The following USP46 variants were observed in gnomAD, a reference collection of about 807,000 sequenced individuals.
USP46 encodes ubiquitin carboxyl-terminal hydrolase 46.
Under a neutral mutation model 44.4 loss-of-function variants are expected in USP46, and 12 were observed. The observed-to-expected ratio is 0.27, with a 90% CI of 0.17 to 0.44. The LOEUF (loss-of-function observed/expected upper bound fraction) is 0.44, where lower values mean the gene tolerates loss of function less well. Ranked by LOEUF, USP46 falls within the 20% of genes least tolerant of loss-of-function variation. USP46 has a pLI of 1.00. For missense variants in USP46, 248 were observed against 444.8 expected, an observed-to-expected ratio of 0.56 and a Z score of 3.98; for synonymous variants, 155 against 161.5, an observed-to-expected ratio of 0.96 and a Z score of 0.31.
chr4:52,640,661 C>T (rs745662375), intron 1 of USP46, among the ~76,000 whole-genome samples: 1 of 151,690 alleles, frequency 6.6e-6, no homozygotes, highest in Non-Finnish European at 1.5e-5. Context: ...ACAAAATTAG[C>T]CAGGCATGGT....
In USP46 at chr4:52,659,023, G is replaced by A. The variant is rs924698137; in HGVS notation, c.36+92C>T. The A allele has an allele frequency of 2.1e-6, 3 of 1,432,678 alleles. No individual in the cohort carries two copies. Among genetic ancestry groups the A allele is most frequent in the Non-Finnish European group, 1.9e-6 (2 of 1,079,928 alleles). The allele number at this position is 1,432,678 out of a possible 1,614,324, so 88.7% of individuals were successfully genotyped here. A position where few individuals can be genotyped will look rare whatever the true frequency, so the allele number is the denominator to read the frequency against. On this transcript the variant is annotated intron_variant, in intron 1 of 8. Coordinates refer to ENST00000441222, the MANE Select transcript of USP46 (RefSeq NM_022832.4). The surrounding 1 kb of genome is among the most constrained non-coding windows in gnomAD (Gnocchi z 4.2). Reference sequence around the variant, plus strand: ...CGGCGCGGACCCCGCCGCCCCCGCCGCCCCAGCCACCGGGCGTGTGTGCAG... The same window carrying A: ...CGGCGCGGACCCCGCCGCCCCCGCCACCCCAGCCACCGGGCGTGTGTGCAG...
At chr4:52,608,242 T>C (rs1005761333) in intron 5 of USP46, among the ~76,000 whole-genome samples, 13 of 152,274 alleles carry the variant, frequency 8.5e-5, no homozygotes, top group South Asian at 2.1e-4. Context: ...TATCATTTTT[T>C]GTAAACACAG....
chr4:52,615,536 C>T (rs1717100627), intron 4 of USP46, among the ~76,000 whole-genome samples: 1 of 152,120 alleles, frequency 6.6e-6, no homozygotes, highest in African/African-American at 2.4e-5. Context: ...AGCTGGAACA[C>T]TATTTCACCA....
intron 1 of USP46, among the ~76,000 whole-genome samples, chr4:52,641,874 C>T (rs1475369413): frequency 1.3e-5 from 2 of 152,174 alleles, no homozygotes; most frequent in Admixed American, 1.3e-4. Context: ...TTTCTAAGTA[C>T]ATAGAGAATA....
intron 4 of USP46, among the ~76,000 whole-genome samples, chr4:52,625,290 G>A (rs1371840893): frequency 1.3e-5 from 2 of 152,014 alleles, no homozygotes; most frequent in Non-Finnish European, 2.9e-5. Flanking sequence ...AGTGAGGACA[G>A]AGAAGATTAA....
chr4:52,597,812 T>C (rs1577654410), intron 8 of USP46, 71 bp from the exon 9 acceptor site: 1 of 1,089,486 alleles, frequency 9.2e-7, no homozygotes, highest in East Asian at 2.6e-5. Context: ...TAAAAACTAA[T>C]GGAATATATA....
chr4:52,656,191 A>T, intron 1 of USP46: 1 of 1,123,256 alleles, frequency 8.9e-7, no homozygotes, highest in Non-Finnish European at 1.3e-6. Flanking sequence ...ATTTGCTCTT[A>T]CTACAACTAC....
chr4:52,628,205 GA>G, intron 2 of USP46, 42 bp from the exon 3 acceptor site: 1 of 1,589,056 alleles, frequency 6.3e-7, no homozygotes, highest in Non-Finnish European at 8.6e-7. Context: ...ATTGCCTGGG[GA>G]TGAGCCACCT....
intron 1 of USP46, chr4:52,656,525 G>T (rs373066241): frequency 3.5e-6 from 5 of 1,414,398 alleles, no homozygotes; most frequent in African/African-American, 2.9e-5. Flanking sequence ...ATTAGTGGTT[G>T]CTTCCACCAG....
intron 2 of USP46, among the ~76,000 whole-genome samples, chr4:52,629,480 A>G (rs1717723851): frequency 6.6e-6 from 1 of 152,180 alleles, no homozygotes; most frequent in African/African-American, 2.4e-5. Context: ...CATGCCTTGA[A>G]TAACTCACTT....
At chr4:52,637,372 C>T (rs1422753166) in intron 1 of USP46, among the ~76,000 whole-genome samples, 1 of 152,198 alleles carries the variant, frequency 6.6e-6, no homozygotes, top group African/African-American at 2.4e-5. Flanking sequence ...GCCTGGACAC[C>T]TCATTTCTGA....
rs1716060558 is a variant in USP46, at chr4:52,592,563, C to T, written c.*5077G>A. The T allele has an allele frequency of 8.4e-6, 2 of 236,990 alleles. No individual in the cohort carries two copies. 14.7% of individuals were successfully genotyped at this position (236,990 alleles called of 1,614,324 possible). A position where few individuals can be genotyped will look rare whatever the true frequency, so the allele number is the denominator to read the frequency against. On this transcript the variant is annotated 3_prime_UTR_variant, in exon 9 of 9. Transcript: ENST00000441222. ...ATCTGGTTGTTTAAAAGTGTGTAAC[C>T]CCAGCCGAGCAAGGTGGCTCTTGCC... is the stretch of plus-strand genomic sequence containing the variant.
At chr4:52,619,785 A>C (rs1717313392) in intron 4 of USP46, among the ~76,000 whole-genome samples, 1 of 152,186 alleles carries the variant, frequency 6.6e-6, no homozygotes, top group African/African-American at 2.4e-5. Flanking sequence ...ACTGGCTAGG[A>C]TATCATAGAA....
In USP46 at chr4:52,597,431, T is replaced by C. The variant is rs1338639987; in HGVS notation, c.*209A>G. On this transcript the variant is annotated 3_prime_UTR_variant, in exon 9 of 9. Transcript: ENST00000441222. Reference sequence around the variant, plus strand: ...TCATATAAATCAGACTACAATCTGATTGCAGTTAACTCTATGTCAGACTGA... The same window carrying C: ...TCATATAAATCAGACTACAATCTGACTGCAGTTAACTCTATGTCAGACTGA... 4 of 496,160 alleles carry C rather than the reference T, an allele frequency of 8.1e-6. No homozygotes were observed. Among genetic ancestry groups the C allele is most frequent in the South Asian group, 2.6e-5 (1 of 38,376 alleles). The allele number at this position is 496,160 out of a possible 1,614,324, so 30.7% of individuals were successfully genotyped here. A position where few individuals can be genotyped will look rare whatever the true frequency, so the allele number is the denominator to read the frequency against.
chr4:52,632,933 A>AAAGAAAGG (rs1717906632), intron 1 of USP46, among the ~76,000 whole-genome samples: 1 of 66,430 alleles, frequency 1.5e-5, no homozygotes, highest in Non-Finnish European at 2.8e-5. Context: ...AGAAAGAAAG[A>AAAGAAAGG]AAGAAAGAAA....
At chr4:52,643,969 A>G (rs921488582) in intron 1 of USP46, among the ~76,000 whole-genome samples, 1 of 152,194 alleles carries the variant, frequency 6.6e-6, no homozygotes, top group African/African-American at 2.4e-5. Flanking sequence ...TTGGGCAGCC[A>G]GCCAGGAACT....
At chr4:52,629,100 G>A (rs1254936386) in intron 2 of USP46, among the ~76,000 whole-genome samples, 1 of 152,220 alleles carries the variant, frequency 6.6e-6, no homozygotes, top group Non-Finnish European at 1.5e-5. Flanking sequence ...ATTATGAAAT[G>A]CTATGTAAGA....
At position 52,628,047 on chromosome 4, in the gene USP46, C is replaced by A; in HGVS notation, c.234G>T (p.Thr78=). The change falls in exon 3 of 9, where the codon ACG becomes ACT. Residue 78 remains threonine, a synonymous_variant. Transcript: ENST00000441222. ...TGCTGTGGAAAAGGTCCGCCAGGCA[C>A]GTCAGCAAGTTTTCCTTCTTCTTTT... ...AQQKKKENLL[T]CLADLFHSIA... 1 of 1,613,950 alleles carries A rather than the reference C, an allele frequency of 6.2e-7. No individual in the cohort carries two copies. Among genetic ancestry groups the A allele is most frequent in the South Asian group, 1.1e-5 (1 of 91,076 alleles).
chr4:52,614,489 C>A (rs1429283744), intron 4 of USP46, among the ~76,000 whole-genome samples: 1 of 152,084 alleles, frequency 6.6e-6, no homozygotes, highest in Non-Finnish European at 1.5e-5. Context: ...CTATGGAGGC[C>A]AGAAGACAGT....
Sources: gnomAD v4.1 joint callset for allele counts (sites outside exome capture counted in the v4.1 genomes callset) on GRCh38, gnomAD v4.1.1 for gene constraint, Gnocchi (gnomAD v3.1) non-coding constraint, MANE v1.5 for transcripts, NCBI Gene and HGNC (gene_info 2026-07-23, HGNC 2026-07-21) for gene names.